NHLRC2: variants seen among roughly 807,000 people sequenced by gnomAD.
NHLRC2 encodes NHL repeat containing 2, also known as NHL repeat-containing protein 2.
NHLRC2 carries 33 observed loss-of-function variants against 68.1 expected under a neutral mutation model. The observed-to-expected ratio is 0.48, with a 90% CI of 0.37 to 0.65. NHLRC2 has a LOEUF of 0.65. NHLRC2 is among the 30% of genes least tolerant of loss of function. The pLI, the probability that NHLRC2 is intolerant of heterozygous loss-of-function variation, is 0.00. For missense variants in NHLRC2, 761 were observed against 853.8 expected (o/e 0.89, Z 1.35); for synonymous variants, 311 against 309.6 (o/e 1.00, Z -0.05).
At chr10:113,870,077 A>G (rs1036248029) in intron 2 of NHLRC2, among the ~76,000 whole-genome samples, 1 of 152,176 alleles carries the variant, frequency 6.6e-6, no homozygotes, top group Admixed American at 6.5e-5. Flanking sequence ...CATTGCTACT[A>G]TGGTGTTTTT....
intron 2 of NHLRC2, among the ~76,000 whole-genome samples, chr10:113,863,347 C>T (rs1008477685): frequency 6.6e-6 from 1 of 152,020 alleles, no homozygotes; most frequent in Admixed American, 6.6e-5. Flanking sequence ...GGAAATCAAA[C>T]AGCACACTCT....
At chr10:113,879,552 G>A in intron 3 of NHLRC2, 22 bp from the exon 4 acceptor site, 2 of 1,585,340 alleles carry the variant, frequency 1.3e-6, no homozygotes, top group Non-Finnish European at 8.6e-7. Flanking sequence ...CTTCTTAAGT[G>A]GCAAATTTTA....
rs1330292907 is a variant in NHLRC2 at position 113,914,923 on chromosome 10, A to G, written c.*6387A>G. 2.2e-6 allele frequency: 1 copy of G among 452,830 alleles called. No homozygotes were observed. The highest frequency in any genetic ancestry group is 2.0e-5 in the African/African-American group (1 of 49,868). The allele number at this position is 452,830 out of a possible 1,614,324, so 28.1% of individuals were successfully genotyped here. ...GGCTAACAAACCCTGGCCCCTTTAC[A>G]TATGAGCTCTGGAGGTTCGCCTGGC... is the stretch of plus-strand genomic sequence containing the variant. On this transcript the variant is annotated 3_prime_UTR_variant, in exon 11 of 11. Coordinates refer to ENST00000369301, the MANE Select transcript of NHLRC2 (RefSeq NM_198514.4).
rs1845724291 is a variant in NHLRC2, at chr10:113,854,778, G to C, written c.-95G>C. On this transcript the variant is annotated 5_prime_UTR_variant, in exon 1 of 11. The change abolishes an upstream ATG in the 5' untranslated region. Coordinates refer to ENST00000369301, the MANE Select transcript of NHLRC2 (RefSeq NM_198514.4). ...GGGGCTAGTGGAGGGTGAGGTGAAT[G>C]CGCCGTTTGGAAACCACAGGACAGT... The C allele has an allele frequency of 9.6e-7, 1 of 1,041,922 alleles. No homozygotes were observed. The highest frequency in any genetic ancestry group is 1.6e-5 in the African/African-American group (1 of 61,474). 64.5% of individuals were successfully genotyped at this position (1,041,922 alleles called of 1,614,324 possible).
rs1845982183 is a variant in NHLRC2, at chr10:113,876,561, A to G, written c.372A>G (p.Pro124=). 1.9e-6 allele frequency: 3 copies of G among 1,608,220 alleles called. No homozygotes were observed. Among genetic ancestry groups the G allele is most frequent in the Non-Finnish European group, 2.5e-6 (3 of 1,176,846 alleles). ...TTGGTGTTCACTCGGCTAAGTTTCC[A>G]AATGAAAAAGTCCTGGATAACATTA... is the stretch of plus-strand genomic sequence containing the variant. ...LIIGVHSAKF[P]NEKVLDNIKS... is the part of the protein sequence containing the mutation. Residue 124 remains proline (P), a synonymous_variant, in exon 3 of 11, where the codon CCA becomes CCG. Coordinates refer to ENST00000369301, the MANE Select transcript of NHLRC2 (RefSeq NM_198514.4).
chr10:113,895,427 C>G (rs911404657), intron 5 of NHLRC2, among the ~76,000 whole-genome samples: 2 of 152,006 alleles, frequency 1.3e-5, no homozygotes, highest in Non-Finnish European at 2.9e-5. Flanking sequence ...GTGATAAATT[C>G]TACAGTGAAA....
At chr10:113,906,780 G>A (rs1589550278) in intron 10 of NHLRC2, among the ~76,000 whole-genome samples, 1 of 152,186 alleles carries the variant, frequency 6.6e-6, no homozygotes, top group African/African-American at 2.4e-5. Context: ...ATGAGGTCAG[G>A]AGATCGAGAC....
chr10:113,875,385 A>G lies in NHLRC2; in HGVS notation c.332-1136A>G, dbSNP rs553192550. On this transcript the variant is annotated intron_variant, in intron 2 of 10. Coordinates refer to ENST00000369301, the MANE Select transcript of NHLRC2 (RefSeq NM_198514.4). ...CAAAGACTTCTGAGTGTTCATACTC[A>G]GAAATAAGGAGCCACCTTCCCCAGC... Among the ~76,000 whole-genome samples the G allele has an allele frequency of 2.1e-4, 32 of 152,278 alleles. 1 individual carries two copies. Among genetic ancestry groups the G allele is most frequent in the Admixed American group, 4.6e-4 (7 of 15,290 alleles).
At chr10:113,908,225 T>C in intron 10 of NHLRC2, 55 bp from the exon 11 acceptor site, 1 of 1,340,256 alleles carries the variant, frequency 7.5e-7, no homozygotes, top group Non-Finnish European at 1.1e-6. Context: ...CATAAGATGT[T>C]CCCAGTTTTC....
chr10:113,860,277 T>C (rs1402340179), intron 2 of NHLRC2, among the ~76,000 whole-genome samples: 1 of 152,164 alleles, frequency 6.6e-6, no homozygotes, highest in Non-Finnish European at 1.5e-5. Context: ...GAAAGACTAT[T>C]TGGTGAACTC....
At chr10:113,855,570 C>G (rs1845742542) in intron 1 of NHLRC2, among the ~76,000 whole-genome samples, 1 of 152,096 alleles carries the variant, frequency 6.6e-6, no homozygotes, top group Non-Finnish European at 1.5e-5. Flanking sequence ...CAGGTTCAGG[C>G]GATTCACCTG....
chr10:113,891,568 C>G (rs542017554), intron 5 of NHLRC2, among the ~76,000 whole-genome samples: 16 of 152,282 alleles, frequency 1.1e-4, no homozygotes, highest in African/African-American at 3.6e-4. Context: ...TTAAATTCCT[C>G]TAGCTGGGCA....
At chr10:113,868,060 C>G (rs1287406514) in intron 2 of NHLRC2, among the ~76,000 whole-genome samples, 1 of 152,142 alleles carries the variant, frequency 6.6e-6, no homozygotes, top group Non-Finnish European at 1.5e-5. Flanking sequence ...GCGATCACAG[C>G]TCACGGCAGC....
chr10:113,856,802 T>TA (rs1436874140), intron 1 of NHLRC2, among the ~76,000 whole-genome samples: 1 of 152,228 alleles, frequency 6.6e-6, no homozygotes, highest in Non-Finnish European at 1.5e-5. Context: ...CTTGGTTTCT[T>TA]TAGCAGTAAA....
chr10:113,889,433 T>A (rs1368819435), intron 5 of NHLRC2, among the ~76,000 whole-genome samples: 1 of 151,980 alleles, frequency 6.6e-6, no homozygotes, highest in Non-Finnish European at 1.5e-5. Context: ...TGACACGGAG[T>A]TTTGAAGGAA....
intron 2 of NHLRC2, among the ~76,000 whole-genome samples, chr10:113,863,812 G>A (rs1316232336): frequency 2.6e-5 from 4 of 152,038 alleles, no homozygotes; most frequent in African/African-American, 9.7e-5. Flanking sequence ...GAAATAAAAA[G>A]GATTATAAGA....
At chr10:113,886,030 A>G (rs1846079806) in intron 5 of NHLRC2, among the ~76,000 whole-genome samples, 1 of 152,084 alleles carries the variant, frequency 6.6e-6, no homozygotes, top group Admixed American at 6.6e-5. Flanking sequence ...GAGCTGATAA[A>G]TTTTGTAAAG....
At chr10:113,884,689 A>G (rs1397670214) in intron 5 of NHLRC2, among the ~76,000 whole-genome samples, 9 of 151,398 alleles carry the variant, frequency 5.9e-5, no homozygotes, top group Non-Finnish European at 1.2e-4. Context: ...TGAAAGGATT[A>G]TAGTATCAGA....
chr10:113,883,792 A>C (rs1490426266), intron 4 of NHLRC2, among the ~76,000 whole-genome samples: 2 of 151,990 alleles, frequency 1.3e-5, no homozygotes, highest in Non-Finnish European at 2.9e-5. Flanking sequence ...ATCGTCACAC[A>C]GTTATGAGCA....
Sources: gnomAD v4.1 joint callset for allele counts (sites outside exome capture counted in the v4.1 genomes callset) on GRCh38, gnomAD v4.1.1 for gene constraint, MANE v1.5 for transcripts, NCBI Gene and HGNC (gene_info 2026-07-23, HGNC 2026-07-21) for gene names.